Variants in TRMT11 observed in about 807,000 individuals in gnomAD.
The protein encoded by TRMT11 is tRNA methyltransferase 11.
TRMT11 carries 53 observed loss-of-function variants against 62.8 expected under a neutral mutation model. That is an observed-to-expected ratio of 0.84 (90% CI 0.68 to 1.06). TRMT11 has a LOEUF of 1.06. Among genes scored for constraint, TRMT11 ranks in the 50% least tolerant of loss-of-function variants. TRMT11 has a pLI of 0.00. For missense variants in TRMT11, 556 were observed against 553.4 expected (o/e 1.00, Z -0.05); for synonymous variants, 188 against 190.3 (o/e 0.99, Z 0.10).
At chr6:126,035,486 A>G (rs1050078483) in intron 12 of TRMT11, among the ~76,000 whole-genome samples, 1 of 152,124 alleles carries the variant, frequency 6.6e-6, no homozygotes, top group Admixed American at 6.6e-5. Flanking sequence ...CAGAACCCAA[A>G]CATACACTTC....
intron 1 of TRMT11, among the ~76,000 whole-genome samples, chr6:126,180,909 C>T (rs1778455631): frequency 1.3e-5 from 2 of 152,144 alleles, no homozygotes; most frequent in African/African-American, 2.4e-5. Flanking sequence ...AAAGGGCATT[C>T]CCTGAGCAGT....
At chr6:126,157,077 TC>T (rs1327781712) in intron 21 of TRMT11, among the ~76,000 whole-genome samples, 1 of 152,142 alleles carries the variant, frequency 6.6e-6, no homozygotes, top group Admixed American at 6.5e-5. Context: ...TCAACAATGG[TC>T]CCTCAGATGC....
downstream of TRMT11, among the ~76,000 whole-genome samples, chr6:126,204,097 A>AT (rs1383923729): frequency 6.6e-6 from 1 of 152,222 alleles, no homozygotes; most frequent in East Asian, 1.9e-4. Context: ...GCTTTTCATC[A>AT]TTTTTTAAAT....
chr6:126,030,653 A>G (rs1484949702), intron 12 of TRMT11, among the ~76,000 whole-genome samples: 1 of 152,190 alleles, frequency 6.6e-6, no homozygotes, highest in Admixed American at 6.5e-5. Context: ...TGTATAAACT[A>G]CTGTCACTTT....
chr6:126,082,168 G>T (rs1431882144), intron 17 of TRMT11, among the ~76,000 whole-genome samples: 1 of 152,098 alleles, frequency 6.6e-6, no homozygotes, highest in Non-Finnish European at 1.5e-5. Flanking sequence ...GCCTAGTTTA[G>T]AGACGGTCTT....
intron 21 of TRMT11, among the ~76,000 whole-genome samples, chr6:126,158,693 A>G (rs1778149802): frequency 6.6e-6 from 1 of 152,196 alleles, no homozygotes; most frequent in South Asian, 2.1e-4. Flanking sequence ...GGTATAAACC[A>G]GGTTGCAAAG....
chr6:126,205,029 T>C (rs918131858), downstream of TRMT11, among the ~76,000 whole-genome samples: 1 of 152,242 alleles, frequency 6.6e-6, no homozygotes, highest in Admixed American at 6.5e-5. Flanking sequence ...AAATATTTGT[T>C]TGTAATGTAA....
chr6:126,101,392 A>G (rs1297862309), intron 17 of TRMT11, among the ~76,000 whole-genome samples: 2 of 152,240 alleles, frequency 1.3e-5, no homozygotes, highest in South Asian at 4.1e-4. Flanking sequence ...ATAAGACTAT[A>G]TATGTTACTT....
intron 17 of TRMT11, among the ~76,000 whole-genome samples, chr6:126,080,626 C>A (rs1777140922): frequency 6.6e-6 from 1 of 152,102 alleles, no homozygotes; most frequent in African/African-American, 2.4e-5. Flanking sequence ...AGTGACTGTG[C>A]ACTGTGGAAA....
chr6:126,189,098 T>A (rs1015984144), intron 1 of TRMT11, among the ~76,000 whole-genome samples: 1 of 152,142 alleles, frequency 6.6e-6, no homozygotes, highest in Non-Finnish European at 1.5e-5. Context: ...GCAGAGCCTT[T>A]AAGGGATTTG....
At chr6:126,016,946 T>A (rs1188178017) in intron 11 of TRMT11, among the ~76,000 whole-genome samples, 1 of 152,196 alleles carries the variant, frequency 6.6e-6, no homozygotes, top group Admixed American at 6.5e-5. Flanking sequence ...GCTAGAAACA[T>A]GAACTGTTTT....
intron 17 of TRMT11, among the ~76,000 whole-genome samples, chr6:126,082,173 G>A (rs2077298343): frequency 6.6e-6 from 1 of 151,904 alleles, no homozygotes; most frequent in African/African-American, 2.4e-5. Context: ...GTTTAGAGAC[G>A]GTCTTGCATA....
At chr6:126,065,292 T>G (rs1432812380) in intron 17 of TRMT11, among the ~76,000 whole-genome samples, 2 of 152,144 alleles carry the variant, frequency 1.3e-5, no homozygotes, top group African/African-American at 4.8e-5. Context: ...ACGTGTCCAC[T>G]GCTGGAGAAC....
intron 12 of TRMT11, among the ~76,000 whole-genome samples, chr6:126,032,083 C>T (rs1456863536): frequency 6.6e-6 from 1 of 152,022 alleles, no homozygotes; most frequent in East Asian, 1.9e-4. Context: ...GACAACTGAG[C>T]GGATGATTGT....
rs1391444102 is a variant in TRMT11, at chr6:125,998,536, T to G, written c.388-14T>G. 3 of 1,605,570 alleles carry G rather than the reference T, an allele frequency of 1.9e-6. No homozygotes were observed. In the African/African-American group the frequency reaches 4.0e-5, roughly 22 times the overall value. The stretch of plus-strand genomic sequence containing the variant: ...ATTATTATAAGACATCAGCATTTCT[T>G]TTGTTTCTTTTAGGCACTTGAATTT... On this transcript the variant is annotated splice_polypyrimidine_tract_variant and intron_variant, in intron 5 of 12. Transcript: ENST00000334379.
chr6:126,266,527 T>C, the TRMT11 span, among the ~76,000 whole-genome samples: 3 of 152,188 alleles, frequency 2.0e-5, no homozygotes, highest in African/African-American at 7.2e-5. Context: ...ACCTCCCTTA[T>C]TTAGTTCTTC....
At chr6:126,181,081 T>G (rs887180976) in intron 1 of TRMT11, among the ~76,000 whole-genome samples, 1 of 152,194 alleles carries the variant, frequency 6.6e-6, no homozygotes, top group Non-Finnish European at 1.5e-5. Context: ...TTTAAAGGAA[T>G]ATTTTAGTGA....
At chr6:126,007,125 T>C (rs1793475622) in intron 7 of TRMT11, among the ~76,000 whole-genome samples, 2 of 152,182 alleles carry the variant, frequency 1.3e-5, no homozygotes, top group East Asian at 3.9e-4. Context: ...ACATAAATGC[T>C]TTTTGTAGTT....
intron 17 of TRMT11, among the ~76,000 whole-genome samples, chr6:126,103,178 T>C (rs1007442406): frequency 1.3e-5 from 2 of 152,232 alleles, no homozygotes; most frequent in African/African-American, 4.8e-5. Flanking sequence ...GCCTGCCTCA[T>C]GTATTTGGCA....
Sources: gnomAD v4.1 joint callset for allele counts (sites outside exome capture counted in the v4.1 genomes callset) on GRCh38, gnomAD v4.1.1 for gene constraint, MANE v1.5 for transcripts, NCBI Gene and HGNC (gene_info 2026-07-23, HGNC 2026-07-21) for gene names.